The following NTRK1 variants were observed in gnomAD, a reference collection of about 807,000 sequenced individuals.
NTRK1 encodes neurotrophic receptor tyrosine kinase 1, also known as high affinity nerve growth factor receptor.
A neutral mutation model predicts 86.8 loss-of-function variants in NTRK1; 62 were observed. The observed-to-expected ratio is 0.71, with a 90% CI of 0.58 to 0.88. The LOEUF is 0.88. Ranked by LOEUF, NTRK1 falls within the 40% of genes least tolerant of loss-of-function variation. The probability of loss-of-function intolerance (pLI) is 0.00; values close to 1 mark genes in which losing one functional copy is unlikely to be tolerated. For synonymous variants in NTRK1, 469 were observed against 456.6 expected, an observed-to-expected ratio of 1.03 and a Z score of -0.35; for missense variants, 967 against 1,078.4, an observed-to-expected ratio of 0.90 and a Z score of 1.45.
intron 2 of NTRK1, among the ~76,000 whole-genome samples, chr1:156,847,445 C>T (rs1381576739): frequency 6.6e-6 from 1 of 152,096 alleles, no homozygotes; most frequent in East Asian, 1.9e-4. Flanking sequence ...ACAGTGGGCC[C>T]CCCATGGGAG....
chr1:156,839,349 C>A (rs948925743), intron 1 of NTRK1, among the ~76,000 whole-genome samples: 26 of 152,376 alleles, frequency 1.7e-4, no homozygotes, highest in Non-Finnish European at 2.9e-5. Flanking sequence ...ATGCCCCAAG[C>A]CCCTGGGGGC....
intron 6 of NTRK1, among the ~76,000 whole-genome samples, chr1:156,869,066 T>TCCTTCCTTCCTTCCTA (rs2102895912): frequency 6.7e-6 from 1 of 149,334 alleles, no homozygotes; most frequent in South Asian, 2.2e-4. Flanking sequence ...CTTCCTTCCT[T>TCCTTCCTTCCTTCCTA]CCTTCCTTCC....
chr1:156,854,346 CA>C lies in NTRK1; in HGVS notation c.51-10005del, dbSNP rs1467388360. Reference sequence around the variant, plus strand: ...ACGCAGCATTGAGTACAGCCCAGGCCAAATTCCCCATCCAGCCCTGGCAGCT... The same window carrying C: ...ACGCAGCATTGAGTACAGCCCAGGCCAATTCCCCATCCAGCCCTGGCAGCT... On this transcript the variant is annotated intron_variant, in intron 2 of 16. Coordinates refer to the NTRK1 transcript ENST00000392302. This position sits in a 1 kb window ranked among gnomAD's most constrained non-coding sequence, Gnocchi z 4.2. 2 of 1,538,358 alleles carry C rather than the reference CA, an allele frequency of 1.3e-6. No homozygotes were observed. Among genetic ancestry groups the C allele is most frequent in the Non-Finnish European group, 1.8e-6 (2 of 1,140,434 alleles).
chr1:156,865,399 G>C (rs1020538380), intron 3 of NTRK1, among the ~76,000 whole-genome samples: 5 of 152,288 alleles, frequency 3.3e-5, no homozygotes, highest in Admixed American at 6.5e-5. Flanking sequence ...CTCAAAAGGA[G>C]CACACAACCT....
At position 156,876,566 on chromosome 1, in the gene NTRK1, T is replaced by TC. The variant is rs777422547; in HGVS notation, c.1801dup (p.Leu601ProfsTer7). ...ATGCGGCACGGGGACCTCAACCGCT[T>TC]CCTCCGGTACCAGCACCTGGCCTCA... On this transcript the variant is annotated frameshift_variant, in exon 14 of 17. Coordinates refer to ENST00000524377, the MANE Select transcript of NTRK1 (RefSeq NM_002529.4). LOFTEE classifies it high-confidence loss of function. 6.2e-7 allele frequency: 1 copy of TC among 1,611,880 alleles called. No individual in the cohort carries two copies. The highest frequency in any genetic ancestry group is 8.5e-7 in the Non-Finnish European group (1 of 1,179,586).
intron 6 of NTRK1, among the ~76,000 whole-genome samples, chr1:156,871,387 T>C (rs960631700): frequency 6.6e-6 from 1 of 151,902 alleles, no homozygotes; most frequent in Non-Finnish European, 1.5e-5. Flanking sequence ...ACCCCGTCGC[T>C]ACAAAAATAA....
upstream of NTRK1, among the ~76,000 whole-genome samples, chr1:156,859,642 G>T (rs1025871819): frequency 2.0e-5 from 3 of 152,254 alleles, no homozygotes; most frequent in South Asian, 6.2e-4. This position sits in a 1 kb window ranked among gnomAD's most constrained non-coding sequence, Gnocchi z 6.2. Flanking sequence ...GAGGAAGAAG[G>T]CGATCACTGT....
chr1:156,867,498 C>T (rs377333196), intron 4 of NTRK1, among the ~76,000 whole-genome samples: 32 of 152,140 alleles, frequency 2.1e-4, no homozygotes, highest in Non-Finnish European at 3.4e-4. Flanking sequence ...TTCATTTTTA[C>T]GTTATTTTTT....
At chr1:156,844,446 C>T in intron 2 of NTRK1, 1 of 1,610,390 alleles carries the variant, frequency 6.2e-7, no homozygotes, top group African/African-American at 1.3e-5. Flanking sequence ...AGGTCTGTGA[C>T]AGAGGCTGTG....
rs535086532 is a variant in NTRK1 at position 156,817,986 on chromosome 1, T to C, written c.-64+2148T>C. ...TTCAATGTGCTTAGACTTCCCACCATACCAAAGGACCAATCCCATTTCTCT... is the reference window on the plus strand; with the variant it reads ...TTCAATGTGCTTAGACTTCCCACCACACCAAAGGACCAATCCCATTTCTCT... On this transcript the variant is annotated intron_variant, in intron 1 of 16. Transcript: ENST00000392302. Among the ~76,000 whole-genome samples the C allele has an allele frequency of 1.2e-4, 18 of 152,284 alleles. 1 individual carries two copies. In the East Asian group the frequency reaches 3.1e-3, roughly 26 times the overall value.
chr1:156,861,251 G>C, intron 1 of NTRK1, 105 bp downstream of exon 1: 3 of 1,336,694 alleles, frequency 2.2e-6, no homozygotes, highest in South Asian at 2.7e-5. Context: ...GGACGAGCAC[G>C]GCGGAAGGCT....
At chr1:156,846,051 G>A in intron 2 of NTRK1, 1 of 1,613,416 alleles carries the variant, frequency 6.2e-7, no homozygotes. Context: ...TGGGTCGGTG[G>A]CTTCCAGCGC....
rs1647663609 is a variant in NTRK1, at chr1:156,873,071, A to T, written c.851-562A>T. 2.6e-5 allele frequency among the ~76,000 whole-genome samples: 3 copies of T among 117,602 alleles called. No individual in the cohort carries two copies. The South Asian group carries it at 8.4e-4, about 33-fold the overall frequency. 77.2% of individuals were successfully genotyped at this position (117,602 alleles called of 152,430 possible). On this transcript the variant is annotated intron_variant, in intron 7 of 16. Coordinates refer to ENST00000524377, the MANE Select transcript of NTRK1 (RefSeq NM_002529.4). ...TGTGTGTGTGTGTGTGTTTGAAGAG[A>T]TGGGGTCTCAGCCTGTTGCCCAGGC...
At chr1:156,878,696 G>A (rs58519469) in intron 14 of NTRK1, among the ~76,000 whole-genome samples, 7,400 of 152,288 alleles carry the variant, frequency 0.049, 248 homozygotes, top group South Asian at 0.095. Context: ...GGGCAGAGGG[G>A]AGAGAGACAG....
At chr1:156,851,888 C>G in intron 2 of NTRK1, 1 of 1,580,934 alleles carries the variant, frequency 6.3e-7, no homozygotes, top group Non-Finnish European at 8.6e-7. Flanking sequence ...CTACACTCAC[C>G]TGCTGCTATT....
At chr1:156,861,212 G>T in intron 1 of NTRK1, 66 bp downstream of exon 1, 1 of 1,501,824 alleles carries the variant, frequency 6.7e-7, no homozygotes, top group Non-Finnish European at 8.9e-7. Context: ...CCGAGGGCGC[G>T]GACTCGCTGC....
In NTRK1 at chr1:156,873,556, C is replaced by T. The variant is rs1026484085; in HGVS notation, c.851-77C>T. The T allele has an allele frequency of 8.2e-5, 105 of 1,275,088 alleles. 1 individual carries two copies. Among genetic ancestry groups the T allele is most frequent in the South Asian group, 8.2e-4 (65 of 79,572 alleles). 79.0% of individuals were successfully genotyped at this position (1,275,088 alleles called of 1,614,324 possible). On this transcript the variant is annotated intron_variant, in intron 7 of 16. Coordinates refer to ENST00000524377, the MANE Select transcript of NTRK1 (RefSeq NM_002529.4). ...GATTTCGGGTTCTACTCGCTTTGCC[C>T]GTGGACTTGTCGGGTGTGTGCCAGG...
Position 156,876,103 on chromosome 1 carries a change from G to C in NTRK1, c.1525G>C (p.Asp509His), listed in dbSNP as rs1035934237. 12 of 1,614,096 alleles carry C rather than the reference G, an allele frequency of 7.4e-6. No homozygotes were observed. The Admixed American group carries it at 1.7e-4, about 22-fold the overall frequency. The change falls in exon 13 of 17, where the codon GAC (aspartate) becomes CAC (histidine). Residue 509 changes from aspartate (D) to histidine (H), a missense_variant. Around this residue, in one of 2 missense-constraint regions of NTRK1, gnomAD observed 637 missense variants for 776.5 expected, o/e 0.82. Transcript: ENST00000524377. ...DACVHHIKRR[D>H]IVLKWELGEG... is the part of the protein sequence containing the mutation. Reference sequence around the variant, plus strand: ...AGGTGTTCACCACATCAAGCGCCGGGACATCGTGCTCAAGTGGGAGCTGGG... The same window carrying C: ...AGGTGTTCACCACATCAAGCGCCGGCACATCGTGCTCAAGTGGGAGCTGGG...
At chr1:156,858,422 C>A, upstream of NTRK1, 3 of 790,028 alleles carry the variant, frequency 3.8e-6, no homozygotes, top group Admixed American at 5.6e-5. Flanking sequence ...CTAACCCCAA[C>A]CCCCATGTTC....
Sources: allele counts gnomAD v4.1 joint callset (sites outside exome capture counted in the v4.1 genomes callset), GRCh38; gene constraint gnomAD v4.1.1; regional missense constraint gnomAD v4.1.1; non-coding constraint Gnocchi (gnomAD v3.1); transcripts MANE v1.5; gene names NCBI Gene and HGNC (gene_info 2026-07-23, HGNC 2026-07-21).